HMGCL: variants seen among roughly 807,000 people sequenced by gnomAD.
The protein encoded by HMGCL is hydroxymethylglutaryl-CoA lyase, mitochondrial.
In HMGCL, 26 loss-of-function variants were observed where a neutral mutation model predicts 37.3. The ratio of observed to expected loss-of-function variants is 0.70; its 90% confidence interval spans 0.51 to 0.97. The LOEUF is 0.97. HMGCL is among the 50% of genes least tolerant of loss of function. The probability of loss-of-function intolerance (pLI) is 0.00; values close to 1 mark genes in which losing one functional copy is unlikely to be tolerated. For missense variants in HMGCL, 379 were observed against 398.1 expected (o/e 0.95, Z 0.41); for synonymous variants, 151 against 148.0 (o/e 1.02, Z -0.15).
At chr1:23,807,677 C>A (rs1638437394) in intron 7 of HMGCL, among the ~76,000 whole-genome samples, 1 of 152,196 alleles carries the variant, frequency 6.6e-6, no homozygotes, top group South Asian at 2.1e-4. Flanking sequence ...TCCTCATCTG[C>A]TTCTGCTACA....
chr1:23,817,825 C>CA (rs576683525), intron 2 of HMGCL, among the ~76,000 whole-genome samples: 2 of 152,174 alleles, frequency 1.3e-5, no homozygotes, highest in Non-Finnish European at 2.9e-5. Context: ...CCTGAAAGGG[C>CA]AGAGATGACT....
At chr1:23,802,968 A>G (rs1180001470) in intron 8 of HMGCL, among the ~76,000 whole-genome samples, 2 of 152,228 alleles carry the variant, frequency 1.3e-5, no homozygotes, top group Non-Finnish European at 2.9e-5. Flanking sequence ...CTCTGTTCAT[A>G]CAGTAGCTCA....
intron 1 of HMGCL, 52 bp from the exon 2 acceptor site, chr1:23,820,645 C>CTCTCACAAGAGATTG: frequency 8.7e-7 from 1 of 1,149,948 alleles, no homozygotes; most frequent in East Asian, 2.3e-5. Context: ...TGCCACAATT[C>CTCTCACAAGAGATTG]CCAGGGAGAC....
chr1:23,823,573 G>A (rs1344102234), intron 1 of HMGCL, among the ~76,000 whole-genome samples: 4 of 151,904 alleles, frequency 2.6e-5, no homozygotes, highest in Non-Finnish European at 4.4e-5. Context: ...GGCTGGTCCC[G>A]AACTCCCGAC....
rs966503035 is a variant in HMGCL at position 23,810,435 on chromosome 1, G to A, written c.561+301C>T. On this transcript the variant is annotated intron_variant, in intron 6 of 8. Coordinates refer to ENST00000374490, the MANE Select transcript of HMGCL (RefSeq NM_000191.3). ...TTTCAATCACTACAAGGAACTATGG[G>A]AACTCCTGGGTAAGGAGCCCCTCCT... is the stretch of plus-strand genomic sequence containing the variant. 2.9e-5 allele frequency: 12 copies of A among 408,450 alleles called. No individual in the cohort carries two copies. In the East Asian group the frequency reaches 6.5e-4, roughly 22 times the overall value. The allele number at this position is 408,450 out of a possible 1,614,324, so 25.3% of individuals were successfully genotyped here.
intron 4 of HMGCL, 134 bp downstream of exon 4, chr1:23,816,540 TG>T: frequency 5.2e-6 from 4 of 763,600 alleles, no homozygotes; most frequent in Non-Finnish European, 9.6e-6. Flanking sequence ...GGGCCAGGTT[TG>T]CCCCAGGGTC....
chr1:23,814,693 T>C (rs1638582539), intron 4 of HMGCL, among the ~76,000 whole-genome samples: 1 of 152,042 alleles, frequency 6.6e-6, no homozygotes, highest in African/African-American at 2.4e-5. Flanking sequence ...TAAAGAACAC[T>C]GACACAGAGT....
intron 6 of HMGCL, among the ~76,000 whole-genome samples, chr1:23,808,609 CACTT>C (rs1250909474): frequency 8.5e-5 from 13 of 152,330 alleles, no homozygotes; most frequent in African/African-American, 2.9e-4. Flanking sequence ...ACTTCAGTCT[CACTT>C]ACGGCTGTCA....
At chr1:23,821,077 G>C (rs1483046003) in intron 1 of HMGCL, among the ~76,000 whole-genome samples, 1 of 152,162 alleles carries the variant, frequency 6.6e-6, no homozygotes, top group Non-Finnish European at 1.5e-5. Context: ...CAGGTATTGC[G>C]GGGGGCAGTG....
rs114197070 is a variant in HMGCL, at chr1:23,819,756, C to T, written c.144+754G>A. 1.7e-3 allele frequency among the ~76,000 whole-genome samples: 255 copies of T among 150,204 alleles called. 1 individual carries two copies. Among genetic ancestry groups the T allele is most frequent in the African/African-American group, 6.0e-3 (238 of 39,650 alleles). Reference sequence around the variant, plus strand: ...AAAAACACACACACACACACGCGCGCGTGCGTACGCGCACATGCACTATTT... The same window carrying T: ...AAAAACACACACACACACACGCGCGTGTGCGTACGCGCACATGCACTATTT... On this transcript the variant is annotated intron_variant, in intron 2 of 8. Coordinates refer to ENST00000374490, the MANE Select transcript of HMGCL (RefSeq NM_000191.3).
In HMGCL at chr1:23,802,544, A is replaced by G. The variant is rs992734996; in HGVS notation, c.897T>C (p.Leu299=). ...GIHTGVNLQK[L]LEAGNFICQA... The stretch of plus-strand genomic sequence containing the variant: ...GACAGATAAAGTTTCCAGCTTCCAG[A>G]AGCTTCTGGAGATTCACACCCTTTG... Residue 299 remains leucine (L), a synonymous_variant, in exon 9 of 9, where the codon CTT becomes CTC. Coordinates refer to ENST00000374490, the MANE Select transcript of HMGCL (RefSeq NM_000191.3). 1 of 1,613,602 alleles carries G rather than the reference A, an allele frequency of 6.2e-7. No individual in the cohort carries two copies. Among genetic ancestry groups the G allele is most frequent in the South Asian group, 1.1e-5 (1 of 91,078 alleles).
At chr1:23,813,046 C>T (rs754968102) in intron 5 of HMGCL, among the ~76,000 whole-genome samples, 14 of 151,700 alleles carry the variant, frequency 9.2e-5, no homozygotes, top group East Asian at 3.9e-4. Flanking sequence ...CATGCCACTA[C>T]GCCCGGCTAA....
chr1:23,816,533 C>G, intron 4 of HMGCL, 142 bp downstream of exon 4: 73 of 742,594 alleles, frequency 9.8e-5, no homozygotes, highest in East Asian at 2.2e-4. Flanking sequence ...AGTGGCAGGG[C>G]CAGGTTTGCC....
chr1:23,814,142 C>T (rs1356441323), intron 5 of HMGCL, 48 bp downstream of exon 5: 2 of 1,607,020 alleles, frequency 1.2e-6, no homozygotes, highest in Non-Finnish European at 1.7e-6. Flanking sequence ...AGTCTAGCCC[C>T]ATTCCAGAAC....
Position 23,825,377 on chromosome 1 carries a change from C to T in HMGCL, c.39G>A (p.Val13=), listed in dbSNP as rs750222035. 1.9e-6 allele frequency: 3 copies of T among 1,561,762 alleles called. No homozygotes were observed. Among genetic ancestry groups the T allele is most frequent in the Non-Finnish European group, 2.6e-6 (3 of 1,153,678 alleles). Reference sequence around the variant, plus strand: ...TTACAGCCCGGAGGGACGCCAAGCCCACCAGTCGCCGCGGAAGCGCCTTCC... The same window carrying T: ...TTACAGCCCGGAGGGACGCCAAGCCTACCAGTCGCCGCGGAAGCGCCTTCC... ...AMRKALPRRL[V]GLASLRAVST... is the part of the protein sequence containing the mutation. Residue 13 remains valine, a synonymous_variant, in exon 1 of 9, where the codon GTG becomes GTA. Coordinates refer to ENST00000374490, the MANE Select transcript of HMGCL (RefSeq NM_000191.3).
At chr1:23,820,372 G>T in intron 2 of HMGCL, 138 bp downstream of exon 2, 2 of 716,274 alleles carry the variant, frequency 2.8e-6, no homozygotes, top group Non-Finnish European at 2.6e-6. Flanking sequence ...TCCCTGTTTG[G>T]CCTCCTCTAC....
chr1:23,807,236 C>G (rs758406197), intron 7 of HMGCL: 2 of 518,828 alleles, frequency 3.9e-6, no homozygotes, highest in Admixed American at 3.9e-5. Context: ...GGCTGGGAAA[C>G]GCATGAGCTG....
Position 23,803,991 on chromosome 1 carries a change from G to C in HMGCL, c.876+409C>G. On this transcript the variant is annotated intron_variant, in intron 8 of 8. Coordinates refer to ENST00000374490, the MANE Select transcript of HMGCL (RefSeq NM_000191.3). ...TCCTGGTGTCTCCTAGGACTGAACT[G>C]TCAAAGTCACCCTGACACTCCAGCC... 3 of 226,958 alleles carry C rather than the reference G, an allele frequency of 1.3e-5. No individual in the cohort carries two copies. The South Asian group carries it at 1.8e-4, about 13-fold the overall frequency. The allele number at this position is 226,958 out of a possible 1,614,324, so 14.1% of individuals were successfully genotyped here. A position where few individuals can be genotyped will look rare whatever the true frequency, so the allele number is the denominator to read the frequency against.
chr1:23,816,788 C>T lies in HMGCL; in HGVS notation c.253-18G>A, dbSNP rs1638621629. ...TCACCCATCTAGGAACCAAGGGAGA[C>T]ATTGCCAAGTCATCACCAAGAGCAG... is the stretch of plus-strand genomic sequence containing the variant. On this transcript the variant is annotated intron_variant, in intron 3 of 8. Coordinates refer to ENST00000374490, the MANE Select transcript of HMGCL (RefSeq NM_000191.3). The T allele has an allele frequency of 1.4e-6, 2 of 1,466,600 alleles. No homozygotes were observed. The highest frequency in any genetic ancestry group is 1.9e-6 in the Non-Finnish European group (2 of 1,045,296). 90.8% of individuals were successfully genotyped at this position (1,466,600 alleles called of 1,614,324 possible).
Sources: allele counts gnomAD v4.1 joint callset (sites outside exome capture counted in the v4.1 genomes callset), GRCh38; gene constraint gnomAD v4.1.1; transcripts MANE v1.5; gene names NCBI Gene and HGNC (gene_info 2026-07-23, HGNC 2026-07-21).